ARHGAP20: variants seen among roughly 807,000 people sequenced by gnomAD.
ARHGAP20 encodes rho GTPase-activating protein 20.
ARHGAP20 carries 34 observed loss-of-function variants against 73.7 expected under a neutral mutation model. The ratio of observed to expected loss-of-function variants is 0.46; its 90% CI spans 0.35 to 0.61. ARHGAP20 has a LOEUF of 0.61. Among genes scored for constraint, ARHGAP20 ranks in the 20% least tolerant of loss-of-function variants. The pLI is 0.00. For missense variants in ARHGAP20, 1,314 were observed against 1,420.9 expected (o/e 0.92, Z 1.21); for synonymous variants, 523 against 518.2 (o/e 1.01, Z -0.13).
rs1394195042 is a variant in ARHGAP20, at chr11:110,690,872, G to C, written c.106-243C>G. The C allele has an allele frequency of 9.6e-6, 10 of 1,039,858 alleles. No individual in the cohort carries two copies. The East Asian group carries it at 2.3e-4, about 24-fold the overall frequency. The allele number at this position is 1,039,858 out of a possible 1,614,324, so 64.4% of individuals were successfully genotyped here. A position where few individuals can be genotyped will look rare whatever the true frequency, so the allele number is the denominator to read the frequency against. ...ATTTTTTGTGGTCAGAGAATAAAGA[G>C]GTTAAATGTTTACCAGAATATTTGG... On this transcript the variant is annotated intron_variant, in intron 1 of 14. Coordinates refer to ENST00000683387, the MANE Select transcript of ARHGAP20 (RefSeq NM_001384657.1).
At chr11:110,597,305 A>C (rs1364307169) in intron 9 of ARHGAP20, among the ~76,000 whole-genome samples, 2 of 151,474 alleles carry the variant, frequency 1.3e-5, no homozygotes, top group Non-Finnish European at 2.9e-5. Flanking sequence ...AAAAAAAAAA[A>C]AACTGAAAAG....
intron 3 of ARHGAP20, among the ~76,000 whole-genome samples, chr11:110,630,348 A>G (rs1948833263): frequency 6.6e-6 from 1 of 152,196 alleles, no homozygotes; most frequent in African/African-American, 2.4e-5. Flanking sequence ...CTCCCACATT[A>G]GAATATAAGC....
intron 2 of ARHGAP20, among the ~76,000 whole-genome samples, chr11:110,648,221 GTATATA>G (rs749024190): frequency 2.6e-5 from 2 of 76,682 alleles, no homozygotes; most frequent in Admixed American, 1.2e-4. Context: ...ATATATATAT[GTATATA>G]TATATATATG....
chr11:110,589,795 A>G (rs974557168), intron 11 of ARHGAP20: 11 of 804,268 alleles, frequency 1.4e-5, no homozygotes, highest in Non-Finnish European at 1.5e-5. Context: ...GAAAACTTAG[A>G]TGCTGAAGTC....
At chr11:110,589,026 C>T (rs11213491) in intron 11 of ARHGAP20, among the ~76,000 whole-genome samples, 24,922 of 151,826 alleles carry the variant, frequency 0.16, 2,591 homozygotes, top group East Asian at 0.31. Context: ...GAGCCGAGAT[C>T]GTGCCACTGC....
At chr11:110,594,833 C>CA (rs36191629) in intron 9 of ARHGAP20, among the ~76,000 whole-genome samples, 52 of 145,874 alleles carry the variant, frequency 3.6e-4, no homozygotes, top group Middle Eastern at 3.5e-3. Context: ...AGAGACACAA[C>CA]AAAAAAAAAA....
intron 2 of ARHGAP20, among the ~76,000 whole-genome samples, chr11:110,660,069 A>AACAAAAC (rs1949572488): frequency 2.7e-5 from 4 of 146,934 alleles, no homozygotes; most frequent in African/African-American, 1.1e-4. Flanking sequence ...AACAAAAAAA[A>AACAAAAC]AAAAAAAAAG....
At chr11:110,628,370 A>G (rs571636810) in intron 3 of ARHGAP20, among the ~76,000 whole-genome samples, 1 of 152,312 alleles carries the variant, frequency 6.6e-6, no homozygotes, top group South Asian at 2.1e-4. Context: ...TACAGGGACT[A>G]TTTGCTTTTG....
At chr11:110,664,739 A>AAAAAAG (rs1407124354) in intron 2 of ARHGAP20, among the ~76,000 whole-genome samples, 13 of 149,258 alleles carry the variant, frequency 8.7e-5, no homozygotes, top group African/African-American at 3.3e-4. Flanking sequence ...AAAAAAAAAA[A>AAAAAAG]AAAAAAGAAA....
At chr11:110,619,621 G>A (rs1356916806) in intron 4 of ARHGAP20, among the ~76,000 whole-genome samples, 1 of 151,874 alleles carries the variant, frequency 6.6e-6, no homozygotes, top group Non-Finnish European at 1.5e-5. Context: ...TAGAGTGTAT[G>A]CAGTGATAGA....
chr11:110,591,286 C>T (rs1947823067), intron 10 of ARHGAP20, among the ~76,000 whole-genome samples: 1 of 152,130 alleles, frequency 6.6e-6, no homozygotes, highest in African/African-American at 2.4e-5. Context: ...GAGTGCAGTA[C>T]TGAGGCTTTA....
rs180783645 is a variant in ARHGAP20, at chr11:110,612,633, T to A, written c.631-1247A>T. 2.4e-3 allele frequency among the ~76,000 whole-genome samples: 360 copies of A among 152,066 alleles called. 2 individuals carry two copies. The highest frequency in any genetic ancestry group is 5.3e-3 in the Admixed American group (81 of 15,278). On this transcript the variant is annotated intron_variant, in intron 6 of 14. Transcript: ENST00000683387. ...GGGCTGTGTCCCTGACAGAGAAGGA[T>A]TAAATAGCACAAAAAAGTAGCATAA...
chr11:110,655,240 G>C (rs1159567815), intron 2 of ARHGAP20, among the ~76,000 whole-genome samples: 4 of 151,912 alleles, frequency 2.6e-5, no homozygotes, highest in African/African-American at 4.9e-5. Flanking sequence ...AATCTAATGA[G>C]ACACATGAAA....
At chr11:110,665,627 T>C (rs1949708828) in intron 2 of ARHGAP20, among the ~76,000 whole-genome samples, 1 of 152,126 alleles carries the variant, frequency 6.6e-6, no homozygotes, top group African/African-American at 2.4e-5. Flanking sequence ...GAGGCCAACT[T>C]AGATAGAATT....
At chr11:110,697,589 T>A (rs1033173404) in intron 1 of ARHGAP20, among the ~76,000 whole-genome samples, 2 of 151,806 alleles carry the variant, frequency 1.3e-5, no homozygotes, top group Admixed American at 1.3e-4. Flanking sequence ...TAAATCCCAT[T>A]TGTCTATTTT....
At position 110,690,976 on chromosome 11, in the gene ARHGAP20, T is replaced by C. The variant is rs554079414; in HGVS notation, c.106-347A>G. 5 of 1,518,658 alleles carry C rather than the reference T, an allele frequency of 3.3e-6. No homozygotes were observed. In the East Asian group the frequency reaches 9.8e-5, roughly 30 times the overall value. 94.1% of individuals were successfully genotyped at this position (1,518,658 alleles called of 1,614,324 possible). ...TAAAGGCTGGACATGGATTACCTTA[T>C]TTATTATAATCCAAAATGTCATCCG... On this transcript the variant is annotated intron_variant, in intron 1 of 14. Coordinates refer to ENST00000683387, the MANE Select transcript of ARHGAP20 (RefSeq NM_001384657.1).
intron 1 of ARHGAP20, among the ~76,000 whole-genome samples, chr11:110,698,862 C>T (rs893185799): frequency 6.6e-6 from 1 of 151,770 alleles, no homozygotes; most frequent in African/African-American, 2.4e-5. Context: ...TTTCAAATAA[C>T]CAACTTTTTG....
intron 7 of ARHGAP20, among the ~76,000 whole-genome samples, chr11:110,610,716 T>C (rs1281825461): frequency 6.6e-6 from 1 of 152,070 alleles, no homozygotes; most frequent in East Asian, 1.9e-4. Context: ...AAGCTAAAAG[T>C]AAAACATGGA....
intron 10 of ARHGAP20, among the ~76,000 whole-genome samples, chr11:110,591,762 GT>G (rs1426983125): frequency 1.3e-5 from 2 of 152,186 alleles, no homozygotes; most frequent in Non-Finnish European, 2.9e-5. Context: ...GAAAGCTTAC[GT>G]GGCTCTTTCC....
Sources: allele counts gnomAD v4.1 joint callset (sites outside exome capture counted in the v4.1 genomes callset), GRCh38; gene constraint gnomAD v4.1.1; transcripts MANE v1.5; gene names NCBI Gene and HGNC (gene_info 2026-07-23, HGNC 2026-07-21).